RGS20: variants seen among roughly 807,000 people sequenced by gnomAD.
RGS20 encodes regulator of G protein signaling 20.
A neutral mutation model predicts 33.6 loss-of-function variants in RGS20; 30 were observed. The ratio of observed to expected loss-of-function variants is 0.89; its 90% CI spans 0.67 to 1.21. The LOEUF (loss-of-function observed/expected upper bound fraction) is 1.21, where lower values mean the gene tolerates loss of function less well. RGS20 is among the 50% of genes most tolerant of loss of function. RGS20 has a pLI of 0.00. For missense variants in RGS20, 472 were observed against 502.4 expected (o/e 0.94, Z 0.58); for synonymous variants, 208 against 197.9 (o/e 1.05, Z -0.43).
chr8:53,863,784 T>C (rs1240540053), intron 1 of RGS20, among the ~76,000 whole-genome samples: 3 of 148,208 alleles, frequency 2.0e-5, no homozygotes, highest in Admixed American at 6.9e-5. Flanking sequence ...TGGAGTGCAA[T>C]GGCGCCAACT....
intron 5 of RGS20, among the ~76,000 whole-genome samples, chr8:53,955,095 T>G (rs1046831798): frequency 6.6e-6 from 1 of 151,052 alleles, no homozygotes; most frequent in African/African-American, 2.4e-5. Flanking sequence ...CTGAATACCG[T>G]GAATGCGGGT....
At chr8:53,898,487 T>G (rs1270102533) in intron 2 of RGS20, among the ~76,000 whole-genome samples, 1 of 152,234 alleles carries the variant, frequency 6.6e-6, no homozygotes, top group East Asian at 1.9e-4. Flanking sequence ...TGTGGCACTT[T>G]AACAGAAGTG....
chr8:53,916,648 T>C (rs1813491132), intron 2 of RGS20, among the ~76,000 whole-genome samples: 1 of 152,162 alleles, frequency 6.6e-6, no homozygotes, highest in African/African-American at 2.4e-5. Context: ...TTTACCATGG[T>C]ATTTCTAGTA....
chr8:53,945,881 G>A (rs1246175362), intron 3 of RGS20, among the ~76,000 whole-genome samples: 2 of 142,210 alleles, frequency 1.4e-5, no homozygotes, highest in African/African-American at 5.2e-5. Flanking sequence ...AGCAAGACTT[G>A]GTCTCCAAAA....
intron 2 of RGS20, among the ~76,000 whole-genome samples, chr8:53,916,943 C>T (rs530405905): frequency 1.2e-4 from 18 of 152,202 alleles, no homozygotes; most frequent in African/African-American, 3.9e-4. Context: ...CATAAGGACA[C>T]GAATCCCTTT....
intron 1 of RGS20, among the ~76,000 whole-genome samples, chr8:53,875,301 A>G (rs1386817299): frequency 6.6e-6 from 1 of 151,832 alleles, no homozygotes; most frequent in African/African-American, 2.4e-5. Context: ...GCATGGTGGC[A>G]CATGCCTGTA....
At chr8:53,950,083 G>A (rs76077882) in intron 4 of RGS20, among the ~76,000 whole-genome samples, 25 of 152,016 alleles carry the variant, frequency 1.6e-4, no homozygotes, top group Non-Finnish European at 3.2e-4. Context: ...CAGGTGATTC[G>A]CCCACCTCGT....
At chr8:53,856,432 T>TGGTCACATGACTCCTGGATCA (rs1811671576) in intron 1 of RGS20, among the ~76,000 whole-genome samples, 1 of 152,138 alleles carries the variant, frequency 6.6e-6, no homozygotes, top group South Asian at 2.1e-4. Context: ...TTGACTGGGC[T>TGGTCACATGACTCCTGGATCA]GGTCACAGAC....
At chr8:53,955,053 G>A (rs1023496948) in intron 5 of RGS20, among the ~76,000 whole-genome samples, 6 of 151,200 alleles carry the variant, frequency 4.0e-5, no homozygotes, top group South Asian at 2.1e-4. Context: ...AGGACATTTG[G>A]AGCCGCTCTG....
intron 2 of RGS20, among the ~76,000 whole-genome samples, chr8:53,931,428 A>ACATT (rs1182644343): frequency 6.6e-6 from 1 of 152,066 alleles, no homozygotes; most frequent in African/African-American, 2.4e-5. Context: ...GGTGGTGGGC[A>ACATT]CCTGTAATCC....
intron 4 of RGS20, among the ~76,000 whole-genome samples, chr8:53,952,604 T>C (rs1350549209): frequency 1.3e-5 from 2 of 151,486 alleles, no homozygotes; most frequent in Non-Finnish European, 2.9e-5. Flanking sequence ...TAAGCACCTG[T>C]AATCCCAACT....
intron 4 of RGS20, among the ~76,000 whole-genome samples, chr8:53,952,885 C>G (rs1414661356): frequency 6.6e-6 from 1 of 152,148 alleles, no homozygotes; most frequent in Non-Finnish European, 1.5e-5. Context: ...AGAATTAACT[C>G]AAAGGGGTAA....
At chr8:53,922,239 T>C (rs1204412909) in intron 2 of RGS20, among the ~76,000 whole-genome samples, 9 of 152,212 alleles carry the variant, frequency 5.9e-5, no homozygotes, top group Non-Finnish European at 1.0e-4. Context: ...ACGTTAGCTC[T>C]TTTATCATTA....
intron 2 of RGS20, among the ~76,000 whole-genome samples, chr8:53,924,394 G>A (rs558215655): frequency 6.6e-6 from 1 of 152,132 alleles, no homozygotes; most frequent in South Asian, 2.1e-4. Flanking sequence ...CACCATGTTG[G>A]CCAGGCTGGT....
At position 53,852,878 on chromosome 8, in the gene RGS20, C is replaced by G. The variant is rs149604034; in HGVS notation, c.165+814C>G. ...TTATTTGCAAATTCTTTACAAAATT[C>G]TCTAGGTCTGCCCTTTCTCCTAATG... is the stretch of plus-strand genomic sequence containing the variant. On this transcript the variant is annotated intron_variant, in intron 1 of 5. Transcript: ENST00000297313. Among the ~76,000 whole-genome samples, 591 of 152,226 alleles carry G rather than the reference C, an allele frequency of 3.9e-3. 5 individuals are homozygous for G. The highest frequency in any genetic ancestry group is 0.014 in the African/African-American group (562 of 41,542).
chr8:53,884,603 G>C lies in RGS20; in HGVS notation c.510+5001G>C, dbSNP rs2129275708. Among the ~76,000 whole-genome samples, 2 of 152,266 alleles carry C rather than the reference G, an allele frequency of 1.3e-5. 1 individual carries two copies. Among genetic ancestry groups the C allele is most frequent in the South Asian group, 4.1e-4 (2 of 4,826 alleles). On this transcript the variant is annotated intron_variant, in intron 2 of 5. Coordinates refer to ENST00000297313, the MANE Select transcript of RGS20 (RefSeq NM_170587.4). ...ACATTCAGAGAGGTTAAGGGTCTGG[G>C]CCAGAGATCTCCAGCTAATTAGGGG...
At chr8:53,928,710 C>T (rs1200010448) in intron 2 of RGS20, among the ~76,000 whole-genome samples, 1 of 151,868 alleles carries the variant, frequency 6.6e-6, no homozygotes, top group Non-Finnish European at 1.5e-5. Flanking sequence ...GTAATCCTAG[C>T]TACTCGGGAG....
chr8:53,857,258 C>G (rs986113532), intron 1 of RGS20, among the ~76,000 whole-genome samples: 7 of 152,230 alleles, frequency 4.6e-5, no homozygotes, highest in African/African-American at 1.7e-4. Flanking sequence ...TGTTCAGTGG[C>G]TGTCTCCTCT....
At chr8:53,915,485 G>A (rs1813459177) in intron 2 of RGS20, among the ~76,000 whole-genome samples, 1 of 152,056 alleles carries the variant, frequency 6.6e-6, no homozygotes, top group Non-Finnish European at 1.5e-5. Context: ...ACAGCTCTGG[G>A]GTTCTCCTCC....
Sources: gnomAD v4.1 joint callset for allele counts (sites outside exome capture counted in the v4.1 genomes callset) on GRCh38, gnomAD v4.1.1 for gene constraint, MANE v1.5 for transcripts, NCBI Gene and HGNC (gene_info 2026-07-23, HGNC 2026-07-21) for gene names.